Variants in PARD3B observed in about 807,000 individuals in gnomAD.
The protein encoded by PARD3B is partitioning defective 3 homolog B.
PARD3B carries 103 observed loss-of-function variants against 130.2 expected under a neutral mutation model. That is an observed-to-expected ratio of 0.79 (90% CI 0.67 to 0.93). The LOEUF (loss-of-function observed/expected upper bound fraction) is 0.93. Ranked by LOEUF, PARD3B falls within the 40% of genes least tolerant of loss-of-function variation. The probability of loss-of-function intolerance (pLI) is 0.00; values close to 1 mark genes in which losing one functional copy is unlikely to be tolerated. For missense variants in PARD3B, 1,609 were observed against 1,499.2 expected (o/e 1.07, Z -1.21); for synonymous variants, 583 against 553.2 (o/e 1.05, Z -0.76).
At chr2:205,061,066 C>A (rs1700036314) in intron 4 of PARD3B, among the ~76,000 whole-genome samples, 1 of 152,070 alleles carries the variant, frequency 6.6e-6, no homozygotes, top group Non-Finnish European at 1.5e-5. Flanking sequence ...TTGAGTTCTA[C>A]TGGGAGTCAG....
chr2:204,948,619 A>G (rs1689524078), intron 2 of PARD3B, among the ~76,000 whole-genome samples: 1 of 152,242 alleles, frequency 6.6e-6, no homozygotes, highest in African/African-American at 2.4e-5. Context: ...CTATTGTTCC[A>G]GCAGACTCTT....
intron 10 of PARD3B, among the ~76,000 whole-genome samples, chr2:205,141,710 T>TGTTACTG (rs2032970186): frequency 6.6e-6 from 1 of 152,218 alleles, no homozygotes; most frequent in African/African-American, 2.4e-5. Context: ...GGAATCACTT[T>TGTTACTG]GTTACTGTAG....
intron 3 of PARD3B, among the ~76,000 whole-genome samples, chr2:205,005,164 A>G (rs1695151128): frequency 6.6e-6 from 1 of 151,898 alleles, no homozygotes; most frequent in Admixed American, 6.6e-5. Flanking sequence ...TCTCCTCTCT[A>G]GTATACACAC....
At chr2:205,257,371 G>GAA (rs1239848730) in intron 16 of PARD3B, among the ~76,000 whole-genome samples, 1 of 137,830 alleles carries the variant, frequency 7.3e-6, no homozygotes. Context: ...AACTGCAAAA[G>GAA]AAAAAAAAAA....
At chr2:205,364,473 G>T (rs1366151036) in intron 18 of PARD3B, among the ~76,000 whole-genome samples, 2 of 152,154 alleles carry the variant, frequency 1.3e-5, no homozygotes, top group African/African-American at 2.4e-5. Context: ...ACATTCTCAG[G>T]TTCCAGCCTG....
intron 2 of PARD3B, among the ~76,000 whole-genome samples, chr2:204,776,850 A>G: frequency 6.6e-6 from 1 of 151,854 alleles, no homozygotes; most frequent in Non-Finnish European, 1.5e-5. Context: ...TATGTTAAAT[A>G]TGCCTGGGCC....
chr2:204,922,163 G>T (rs2047705312), intron 2 of PARD3B, among the ~76,000 whole-genome samples: 1 of 152,082 alleles, frequency 6.6e-6, no homozygotes, highest in Non-Finnish European at 1.5e-5. Flanking sequence ...GATGTGGGGA[G>T]ATTCAACGGC....
chr2:205,451,541 G>C (rs7573955), intron 20 of PARD3B, among the ~76,000 whole-genome samples: 6,754 of 151,948 alleles, frequency 0.044, 524 homozygotes, highest in African/African-American at 0.15. Flanking sequence ...ATAGTATATA[G>C]TACTTTCGTC....
intron 20 of PARD3B, among the ~76,000 whole-genome samples, chr2:205,471,511 G>A (rs576637535): frequency 6.6e-5 from 10 of 151,888 alleles, no homozygotes; most frequent in South Asian, 4.2e-4. Context: ...ACAGGCATGC[G>A]CCACCACGCC....
At chr2:205,220,885 C>T (rs2038202098) in intron 15 of PARD3B, among the ~76,000 whole-genome samples, 1 of 152,046 alleles carries the variant, frequency 6.6e-6, no homozygotes, top group South Asian at 2.1e-4. Context: ...TGTGGTGAGG[C>T]TGGATTGGGT....
At chr2:204,746,815 TTGTGA>T (rs2040250300) in intron 2 of PARD3B, among the ~76,000 whole-genome samples, 1 of 152,184 alleles carries the variant, frequency 6.6e-6, no homozygotes, top group Non-Finnish European at 1.5e-5. Flanking sequence ...TTTGCCCACT[TTGTGA>T]TGGGGTTGTT....
At chr2:205,038,240 T>C (rs954309800) in intron 3 of PARD3B, among the ~76,000 whole-genome samples, 2 of 152,180 alleles carry the variant, frequency 1.3e-5, no homozygotes, top group African/African-American at 4.8e-5. Context: ...ATAATCAAAA[T>C]CCTTCCTTTC....
At chr2:204,640,552 A>G (rs1281580664) in intron 1 of PARD3B, among the ~76,000 whole-genome samples, 1 of 151,808 alleles carries the variant, frequency 6.6e-6, no homozygotes, top group South Asian at 2.1e-4. Context: ...CTTCAAGCCA[A>G]GGGCAGAGGG....
At chr2:204,814,262 TACTG>T (rs2043064368) in intron 2 of PARD3B, among the ~76,000 whole-genome samples, 1 of 151,894 alleles carries the variant, frequency 6.6e-6, no homozygotes. Context: ...AGTTTTTCCT[TACTG>T]ACATAAAGAG....
intron 20 of PARD3B, among the ~76,000 whole-genome samples, chr2:205,480,764 G>A (rs1295040226): frequency 6.6e-6 from 1 of 152,188 alleles, no homozygotes; most frequent in Non-Finnish European, 1.5e-5. Context: ...ACATGGAGAA[G>A]TGAGAATTGA....
chr2:205,585,326 G>A lies in PARD3B; in HGVS notation c.3261-30130G>A, dbSNP rs1388275878. 6.6e-6 allele frequency among the ~76,000 whole-genome samples: 1 copy of A among 152,162 alleles called. No homozygotes were observed. The highest frequency in any genetic ancestry group is 6.5e-5 in the Admixed American group (1 of 15,274). ...CACACTGTCAACCTGAGTAGCCTTAGAGTGGATTCCACCCTGCTGGGGCTG... is the reference window on the plus strand; with the variant it reads ...CACACTGTCAACCTGAGTAGCCTTAAAGTGGATTCCACCCTGCTGGGGCTG... On this transcript the variant is annotated intron_variant, in intron 22 of 22. Coordinates refer to ENST00000406610, the MANE Select transcript of PARD3B (RefSeq NM_001302769.2). This position sits in a 1 kb window ranked among gnomAD's most constrained non-coding sequence, Gnocchi z 5.4.
At chr2:204,720,988 T>G (rs917185373) in intron 2 of PARD3B, among the ~76,000 whole-genome samples, 15 of 151,928 alleles carry the variant, frequency 9.9e-5, no homozygotes, top group Admixed American at 9.2e-4. Flanking sequence ...GACTCTTGGG[T>G]GCCACCCCAG....
chr2:204,918,759 G>A (rs572360206), intron 2 of PARD3B, among the ~76,000 whole-genome samples: 1 of 152,216 alleles, frequency 6.6e-6, no homozygotes, highest in Admixed American at 6.5e-5. Flanking sequence ...GAGGGATTTG[G>A]TGATTTTTCT....
chr2:204,560,069 G>A (rs190254069), intron 1 of PARD3B, among the ~76,000 whole-genome samples: 1 of 152,224 alleles, frequency 6.6e-6, no homozygotes, highest in Admixed American at 6.5e-5. Flanking sequence ...GGATAGCATT[G>A]GGAGAAATAC....
Sources: allele counts gnomAD v4.1 joint callset (sites outside exome capture counted in the v4.1 genomes callset), GRCh38; gene constraint gnomAD v4.1.1; non-coding constraint Gnocchi (gnomAD v3.1); transcripts MANE v1.5; gene names NCBI Gene and HGNC (gene_info 2026-07-23, HGNC 2026-07-21).